BCAS4: variants seen among roughly 807,000 people sequenced by gnomAD.
BCAS4 encodes breast carcinoma-amplified sequence 4.
A neutral mutation model predicts 15.7 loss-of-function variants in BCAS4; 9 were observed. That is an observed-to-expected ratio of 0.57 (90% CI 0.34 to 1.00). The LOEUF (loss-of-function observed/expected upper bound fraction) is 1.00. Ranked by LOEUF, BCAS4 falls within the 50% of genes least tolerant of loss-of-function variation. BCAS4 has a pLI of 0.02. For missense variants in BCAS4, 225 were observed against 239.1 expected, an observed-to-expected ratio of 0.94 and a Z score of 0.39; for synonymous variants, 101 against 99.5, an observed-to-expected ratio of 1.02 and a Z score of -0.09.
chr20:50,869,830 C>T (rs906995475), intron 4 of BCAS4, among the ~76,000 whole-genome samples: 1 of 142,728 alleles, frequency 7.0e-6, no homozygotes, highest in African/African-American at 2.7e-5. Flanking sequence ...CTCGCTGCAA[C>T]TTCTGCCTCC....
chr20:50,830,441 G>A lies in BCAS4; in HGVS notation c.264+61G>A, dbSNP rs3827036. The A allele has an allele frequency of 9.8e-5, 137 of 1,400,372 alleles. No homozygotes were observed. The East Asian group carries it at 2.9e-3, about 29-fold the overall frequency. 86.7% of individuals were successfully genotyped at this position (1,400,372 alleles called of 1,614,324 possible). ...ACTTGATCTTGCTTTTGCCTTTTCC[G>A]CAAAGACGCCGATCTGGCCTTGAGC... On this transcript the variant is annotated intron_variant, in intron 3 of 4. Coordinates refer to ENST00000371608, the MANE Select transcript of BCAS4 (RefSeq NM_198799.4).
rs770581966 is a variant in BCAS4 at position 50,876,500 on chromosome 20, G to A, written c.414G>A (p.Pro138=). The A allele has an allele frequency of 3.5e-5, 56 of 1,613,400 alleles. 1 individual carries two copies. In the South Asian group the frequency reaches 4.3e-4, roughly 12 times the overall value. The change falls in exon 5 of 5, where the codon CCG becomes CCA. Residue 138 remains proline, a synonymous_variant. Coordinates refer to ENST00000371608, the MANE Select transcript of BCAS4 (RefSeq NM_198799.4). ...LPSFRNKSPA[P]VPVTYELPTL... ...TGTCATTCCAGAAGTCACCTGCACC[G>A]GTGCCCGTGACGTACGAGCTGCCCA... is the stretch of plus-strand genomic sequence containing the variant.
chr20:50,862,600 T>C (rs902175460), intron 4 of BCAS4, among the ~76,000 whole-genome samples: 4 of 151,330 alleles, frequency 2.6e-5, no homozygotes, highest in African/African-American at 7.3e-5. Flanking sequence ...AAAGGGGGAG[T>C]TTGAGAAGAG....
intron 3 of BCAS4, among the ~76,000 whole-genome samples, chr20:50,831,056 C>T (rs780013282): frequency 5.9e-5 from 9 of 152,122 alleles, no homozygotes; most frequent in East Asian, 3.9e-4. Flanking sequence ...TTACATATAT[C>T]GACATCATGT....
In BCAS4 at chr20:50,851,586, C is replaced by T. The variant is rs1978422822; in HGVS notation, c.399+9686C>T. Among the ~76,000 whole-genome samples the T allele has an allele frequency of 6.6e-6, 1 of 152,178 alleles. No homozygotes were observed. Among genetic ancestry groups the T allele is most frequent in the Non-Finnish European group, 1.5e-5 (1 of 68,040 alleles). On this transcript the variant is annotated intron_variant, in intron 4 of 4. Coordinates refer to ENST00000371608, the MANE Select transcript of BCAS4 (RefSeq NM_198799.4). The surrounding 1 kb of genome is among the most constrained non-coding windows in gnomAD (Gnocchi z 4.3). The stretch of plus-strand genomic sequence containing the variant: ...CTGTTTGTTGGGCCCTATGTGGAAG[C>T]ACCCCAACTTTGCCCTGGTTGGTGG...
chr20:50,875,559 A>T (rs1035800584), intron 4 of BCAS4, among the ~76,000 whole-genome samples: 4 of 148,042 alleles, frequency 2.7e-5, no homozygotes, highest in Non-Finnish European at 5.9e-5. Context: ...GAGGCCAGGA[A>T]TTTGAGACTA....
intron 1 of BCAS4, among the ~76,000 whole-genome samples, chr20:50,804,586 G>A (rs750636305): frequency 9.9e-5 from 15 of 152,236 alleles, no homozygotes; most frequent in Admixed American, 3.9e-4. Context: ...CCTAGGAGGT[G>A]TATTACTGTG....
intron 4 of BCAS4, among the ~76,000 whole-genome samples, chr20:50,865,706 G>A (rs1979322609): frequency 6.6e-6 from 1 of 152,168 alleles, no homozygotes; most frequent in African/African-American, 2.4e-5. Flanking sequence ...CAGCTGCTGT[G>A]GTCACTGGGC....
At chr20:50,830,212 C>T in intron 2 of BCAS4, 67 bp from the exon 3 acceptor site, 2 of 1,400,976 alleles carry the variant, frequency 1.4e-6, no homozygotes, top group Non-Finnish European at 1.0e-6. Flanking sequence ...CCTGGCCAAC[C>T]TCTGAGGCAG....
At position 50,845,059 on chromosome 20, in the gene BCAS4, C is replaced by T. The variant is rs535876509; in HGVS notation, c.399+3159C>T. Among the ~76,000 whole-genome samples the T allele has an allele frequency of 2.4e-4, 37 of 152,196 alleles. No individual in the cohort carries two copies. The South Asian group carries it at 6.4e-3, about 26-fold the overall frequency. On this transcript the variant is annotated intron_variant, in intron 4 of 4. Transcript: ENST00000371608. Reference sequence around the variant, plus strand: ...GCCCTTGCAGAATGATGATCATCACCGCTGGTGTTGGGGCCGACTCTGTAG... The same window carrying T: ...GCCCTTGCAGAATGATGATCATCACTGCTGGTGTTGGGGCCGACTCTGTAG...
chr20:50,880,547 T>A (rs1304023945), downstream of BCAS4: 1 of 152,182 alleles, frequency 6.6e-6, no homozygotes, highest in Non-Finnish European at 1.5e-5. Flanking sequence ...CTCAACCTCC[T>A]GGGCTCAAGC....
At chr20:50,827,851 C>T (rs1176202251) in intron 2 of BCAS4, among the ~76,000 whole-genome samples, 6 of 152,128 alleles carry the variant, frequency 3.9e-5, no homozygotes, top group East Asian at 1.9e-4. Context: ...CTCAGCCTCC[C>T]GAGTAGCTGG....
chr20:50,830,502 G>A, intron 3 of BCAS4, 122 bp downstream of exon 3: 1 of 746,394 alleles, frequency 1.3e-6, no homozygotes, highest in Non-Finnish European at 2.1e-6. Context: ...GGGGTTGGTG[G>A]TGGGAGTTGG....
chr20:50,854,505 A>G (rs1397672448), intron 4 of BCAS4, among the ~76,000 whole-genome samples: 3 of 152,116 alleles, frequency 2.0e-5, no homozygotes, highest in Non-Finnish European at 4.4e-5. Context: ...GCAAGTTGCT[A>G]TCATTGGCCC....
At chr20:50,849,986 AACTGTGTTGT>A (rs1978330862) in intron 4 of BCAS4, among the ~76,000 whole-genome samples, 1 of 152,100 alleles carries the variant, frequency 6.6e-6, no homozygotes, top group African/African-American at 2.4e-5. Flanking sequence ...AAAATAATAA[AACTGTGTTGT>A]ACCATGGGCT....
intron 3 of BCAS4, among the ~76,000 whole-genome samples, chr20:50,836,012 C>T (rs577965425): frequency 4.6e-5 from 7 of 151,492 alleles, no homozygotes; most frequent in African/African-American, 1.5e-4. Context: ...CTGCCTCCCA[C>T]GTTCAAGTGA....
At chr20:50,825,740 G>A (rs2088270884) in intron 2 of BCAS4, among the ~76,000 whole-genome samples, 1 of 152,150 alleles carries the variant, frequency 6.6e-6, no homozygotes, top group Non-Finnish European at 1.5e-5. Context: ...AGCCAGGCAT[G>A]GTGGCAGGTG....
chr20:50,840,368 T>G (rs560129806), intron 3 of BCAS4, among the ~76,000 whole-genome samples: 1 of 152,332 alleles, frequency 6.6e-6, no homozygotes, highest in East Asian at 1.9e-4. Context: ...TAGATTTCAC[T>G]GTTGTCCCAC....
At chr20:50,795,229 G>A (rs965574691) in intron 1 of BCAS4, 56 bp downstream of exon 1, 4 of 1,271,900 alleles carry the variant, frequency 3.1e-6, no homozygotes, top group Non-Finnish European at 4.0e-6. Context: ...AGGGGTCCGG[G>A]CTCCGGACCC....
Sources: gnomAD v4.1 joint callset for allele counts (sites outside exome capture counted in the v4.1 genomes callset) on GRCh38, gnomAD v4.1.1 for gene constraint, Gnocchi (gnomAD v3.1) non-coding constraint, MANE v1.5 for transcripts, NCBI Gene and HGNC (gene_info 2026-07-23, HGNC 2026-07-21) for gene names.